Variants in DTNA observed in about 807,000 individuals in gnomAD.
DTNA encodes dystrobrevin alpha, also known as dystrophin-related protein 3.
A neutral mutation model predicts 100.7 loss-of-function variants in DTNA; 43 were observed. That is an observed-to-expected ratio of 0.43 (90% CI 0.33 to 0.55). The LOEUF is 0.55. DTNA is among the 20% of genes least tolerant of loss of function. The pLI, the probability that DTNA is intolerant of heterozygous loss-of-function variation, is 0.04. For missense variants in DTNA, 798 were observed against 953.9 expected (o/e 0.84, Z 2.15); for synonymous variants, 349 against 347.9 (o/e 1.00, Z -0.04).
chr18:34,855,499 T>C (rs777116369), intron 15 of DTNA, among the ~76,000 whole-genome samples: 23 of 152,334 alleles, frequency 1.5e-4, no homozygotes, highest in Non-Finnish European at 2.4e-4. Flanking sequence ...TATTACTCAT[T>C]TCTGAACTTT....
At chr18:34,673,807 A>G (rs529933849) in intron 1 of DTNA, among the ~76,000 whole-genome samples, 102 of 152,284 alleles carry the variant, frequency 6.7e-4, no homozygotes, top group African/African-American at 2.4e-3. Flanking sequence ...AACCTAAGTG[A>G]TAAGGTACAA....
chr18:34,769,725 C>CTTTTTTTTTTTTTTTTGTTTTTTTTTT (rs61242937), intron 3 of DTNA, among the ~76,000 whole-genome samples: 1 of 53,872 alleles, frequency 1.9e-5, no homozygotes, highest in Non-Finnish European at 4.1e-5. Flanking sequence ...CCCTCTGGGG[C>CTTTTTTTTTTTTTTTTGTTTTTTTTTT]TTTTTTTTTT....
chr18:34,815,245 T>A (rs1453014258), intron 6 of DTNA, among the ~76,000 whole-genome samples: 1 of 152,190 alleles, frequency 6.6e-6, no homozygotes, highest in Admixed American at 6.5e-5. Flanking sequence ...AATATAGCTT[T>A]CTTACTTTTA....
chr18:34,548,483 A>G (rs968455521), intron 1 of DTNA, among the ~76,000 whole-genome samples: 1 of 152,154 alleles, frequency 6.6e-6, no homozygotes, highest in African/African-American at 2.4e-5. Flanking sequence ...TTAACATTTT[A>G]TAAGGCATTT....
chr18:34,691,627 T>C (rs191534755), intron 1 of DTNA, among the ~76,000 whole-genome samples: 2 of 152,346 alleles, frequency 1.3e-5, no homozygotes, highest in East Asian at 1.9e-4. Context: ...ACTGGTACAA[T>C]GGACCTCTTG....
chr18:34,875,652 G>T (rs1285144723), intron 18 of DTNA, among the ~76,000 whole-genome samples: 1 of 152,116 alleles, frequency 6.6e-6, no homozygotes, highest in Admixed American at 6.5e-5. Context: ...CAAAAGACAG[G>T]AAATCTTTTC....
At chr18:34,697,001 T>C (rs1033207190) in intron 1 of DTNA, among the ~76,000 whole-genome samples, 13 of 152,130 alleles carry the variant, frequency 8.5e-5, no homozygotes, top group Non-Finnish European at 1.8e-4. Context: ...TAGCATCTAG[T>C]GGGTATAGTC....
chr18:34,641,219 C>G (rs73946112), intron 1 of DTNA, among the ~76,000 whole-genome samples: 1 of 152,108 alleles, frequency 6.6e-6, no homozygotes, highest in East Asian at 1.9e-4. Flanking sequence ...TTATTAGTGA[C>G]TTACCAAATC....
intron 11 of DTNA, 137 bp downstream of exon 11, chr18:34,829,626 T>A (rs1399926770): frequency 2.1e-6 from 2 of 932,776 alleles, no homozygotes; most frequent in East Asian, 5.4e-5. Flanking sequence ...TTAATGAAAT[T>A]GTGTTGAGAC....
chr18:34,848,602 C>G (rs372433381), intron 14 of DTNA, among the ~76,000 whole-genome samples: 131 of 152,068 alleles, frequency 8.6e-4, no homozygotes, highest in African/African-American at 2.9e-3. Flanking sequence ...TAGTGTGACC[C>G]TGGAGTCAAG....
At chr18:34,753,361 A>ATTTATTTTTTTTTT (rs1568412397) in intron 1 of DTNA, among the ~76,000 whole-genome samples, 1 of 96,890 alleles carries the variant, frequency 1.0e-5, no homozygotes, top group African/African-American at 5.3e-5. Flanking sequence ...TTATTTATTT[A>ATTTATTTTTTTTTT]TTTTATTTTT....
intron 1 of DTNA, chr18:34,662,888 G>T (rs1443064698): frequency 6.6e-6 from 1 of 152,084 alleles, no homozygotes; most frequent in African/African-American, 2.4e-5. Flanking sequence ...ACTTTCATGA[G>T]ATTCTTGAGG....
At chr18:34,716,671 T>A (rs1003364073) in intron 1 of DTNA, among the ~76,000 whole-genome samples, 1 of 152,200 alleles carries the variant, frequency 6.6e-6, no homozygotes, top group African/African-American at 2.4e-5. Flanking sequence ...ATAGGCAACA[T>A]GGTGTAGAAA....
At chr18:34,713,486 A>T (rs1326722529) in intron 1 of DTNA, among the ~76,000 whole-genome samples, 2 of 151,952 alleles carry the variant, frequency 1.3e-5, no homozygotes, top group East Asian at 1.9e-4. Flanking sequence ...TGTTCCATTG[A>T]TCTATATCTC....
At chr18:34,795,469 A>G (rs9944949) in intron 4 of DTNA, among the ~76,000 whole-genome samples, 3,854 of 152,302 alleles carry the variant, frequency 0.025, 169 homozygotes, top group African/African-American at 0.087. Flanking sequence ...GTACAGCTCT[A>G]GCTTAATCAC....
intron 1 of DTNA, among the ~76,000 whole-genome samples, chr18:34,555,466 T>C (rs1280610973): frequency 6.6e-6 from 1 of 152,066 alleles, no homozygotes; most frequent in African/African-American, 2.4e-5. Flanking sequence ...AATTGTGATG[T>C]TAGGGTGTCA....
At chr18:34,802,250 C>T (rs1197603205) in intron 4 of DTNA, among the ~76,000 whole-genome samples, 1 of 152,238 alleles carries the variant, frequency 6.6e-6, no homozygotes, top group Non-Finnish European at 1.5e-5. Context: ...TCCTGGGTTG[C>T]AGCTGACAGC....
chr18:34,764,526 A>C (rs2093367509), intron 2 of DTNA, among the ~76,000 whole-genome samples: 1 of 152,216 alleles, frequency 6.6e-6, no homozygotes, highest in Non-Finnish European at 1.5e-5. Context: ...AGTGTCACTA[A>C]GCCTGTTTGT....
intron 3 of DTNA, among the ~76,000 whole-genome samples, chr18:34,783,341 C>T (rs186100925): frequency 6.6e-6 from 1 of 152,288 alleles, no homozygotes; most frequent in East Asian, 1.9e-4. Context: ...AATGGATGTA[C>T]TACCAGGGCC....
Sources: allele counts gnomAD v4.1 joint callset (sites outside exome capture counted in the v4.1 genomes callset), GRCh38; gene constraint gnomAD v4.1.1; transcripts MANE v1.5; gene names NCBI Gene and HGNC (gene_info 2026-07-23, HGNC 2026-07-21).